The following FLG variants were observed in gnomAD, a reference collection of about 807,000 sequenced individuals.
FLG encodes epidermal filaggrin.
Under a neutral mutation model 3.8 loss-of-function variants are expected in FLG, and 6 were observed. The ratio of observed to expected loss-of-function variants is 1.60; its 90% CI spans 0.87 to 3.15. The LOEUF (loss-of-function observed/expected upper bound fraction) is 3.15, where lower values mean the gene tolerates loss of function less well. FLG is among the 30% of genes most tolerant of loss of function. The pLI is 0.00. For missense variants in FLG, 7,595 were observed against 5,050.9 expected, an observed-to-expected ratio of 1.50 and a Z score of -15.27; for synonymous variants, 2,551 against 1,931.6, an observed-to-expected ratio of 1.32 and a Z score of -8.41.
Position 152,310,931 on chromosome 1 carries a change from G to T in FLG, c.3955C>A (p.His1319Asn). The T allele has an allele frequency of 6.2e-7, 1 of 1,614,046 alleles. No individual in the cohort carries two copies. The highest frequency in any genetic ancestry group is 8.5e-7 in the Non-Finnish European group (1 of 1,180,010). ...CTGGAGCTGTCTGCAGAGTGCCCGTGACTGGCTCTGTCTTCTTGATGGAAC... is the reference window on the plus strand; with the variant it reads ...CTGGAGCTGTCTGCAGAGTGCCCGTTACTGGCTCTGTCTTCTTGATGGAAC... ...PGFHQEDRAS[H>N]GHSADSSRQS... The change falls in exon 3 of 3, where the codon CAC becomes AAC. Residue 1319 changes from histidine (H) to asparagine (N), a missense_variant. Transcript: ENST00000368799.
In FLG at chr1:152,303,362, G is replaced by C. The variant is rs1459307660; in HGVS notation, c.11524C>G (p.His3842Asp). ...GATTCACCCTGGCCGGACTGTGAGT[G>C]TCTAGAGCTGTCAGCCTGAGTGGAA... The part of the protein sequence containing the change: ...EASTQADSSR[H>D]SQSGQGESAG... Residue 3842 changes from histidine (H) to aspartate (D), a missense_variant, in exon 3 of 3, where the codon CAC (histidine) becomes GAC (aspartate). His to Asp is a moderately conservative substitution (Grantham distance 81, BLOSUM62 -1). Coordinates refer to ENST00000368799, the MANE Select transcript of FLG (RefSeq NM_002016.2). The C allele has an allele frequency of 7.4e-6, 12 of 1,614,016 alleles. No individual in the cohort carries two copies. Among genetic ancestry groups the C allele is most frequent in the Non-Finnish European group, 8.5e-6 (10 of 1,180,028 alleles).
rs1299924244 is a variant in FLG at position 152,312,725 on chromosome 1, T to C, written c.2161A>G (p.Arg721Gly). The change falls in exon 3 of 3, where the codon AGA becomes GGA. Residue 721 changes from arginine to glycine, a missense_variant. Coordinates refer to ENST00000368799, the MANE Select transcript of FLG (RefSeq NM_002016.2). Reference protein sequence around the residue: ...RHQLQSADSSRHSGTGHGQAS... With the variant: ...RHQLQSADSSGHSGTGHGQAS... ...TGTCCGTGCCCAGTGCCTGAGTGTC[T>C]GGAGCTGTCTGCTGACTGGAGCTGG... 3 of 1,613,922 alleles carry C rather than the reference T, an allele frequency of 1.9e-6. No individual in the cohort carries two copies. In the East Asian group the frequency reaches 6.7e-5, roughly 36 times the overall value.
Position 152,314,173 on chromosome 1 carries a change from G to T in FLG, c.713C>A (p.Thr238Lys), listed in dbSNP as rs758484558. 6.2e-7 allele frequency: 1 copy of T among 1,614,108 alleles called. No individual in the cohort carries two copies. Among genetic ancestry groups the T allele is most frequent in the Non-Finnish European group, 8.5e-7 (1 of 1,180,004 alleles). Reference sequence around the variant, plus strand: ...GGTGTCATAGGCTTCATCCTGGATTGTGTAATATGTGGCAATATGGCCTGA... The same window carrying T: ...GGTGTCATAGGCTTCATCCTGGATTTTGTAATATGTGGCAATATGGCCTGA... ...IQSGHIATYY[T>K]IQDEAYDTTD... The change falls in exon 3 of 3, where the codon ACA becomes AAA. Residue 238 changes from threonine to lysine, a missense_variant. By Grantham distance (78) the Thr-to-Lys change is moderately conservative (BLOSUM62 -1). Transcript: ENST00000368799.
At chr1:152,316,884 A>C (rs1198009460) in intron 1 of FLG, among the ~76,000 whole-genome samples, 1 of 152,066 alleles carries the variant, frequency 6.6e-6, no homozygotes, top group Non-Finnish European at 1.5e-5. Context: ...TCTTATACCC[A>C]CTGGCCAAAG....
At position 152,310,710 on chromosome 1, in the gene FLG, A is replaced by G. The variant is rs1328929817; in HGVS notation, c.4176T>C (p.Gly1392=). The part of the protein sequence containing the change: ...VRDSGHRGSS[G]SQVTNSEGHS... The stretch of plus-strand genomic sequence containing the variant: ...GTCCCTCACTGTTAGTGACCTGACT[A>G]CCACTGGACCCTCGGTGTCCACTGT... Residue 1392 remains glycine, a synonymous_variant, in exon 3 of 3, where the codon GGT becomes GGC. Coordinates refer to ENST00000368799, the MANE Select transcript of FLG (RefSeq NM_002016.2). The G allele has an allele frequency of 6.2e-7, 1 of 1,613,934 alleles. No homozygotes were observed. The highest frequency in any genetic ancestry group is 2.2e-5 in the East Asian group (1 of 44,820).
Position 152,308,085 on chromosome 1 carries a change from A to T in FLG, c.6801T>A (p.His2267Gln). 8.7e-6 allele frequency: 14 copies of T among 1,613,780 alleles called. No homozygotes were observed. The highest frequency in any genetic ancestry group is 1.2e-5 in the Non-Finnish European group (14 of 1,179,934). Reference sequence around the variant, plus strand: ...TTGACTGCTCCTGAGCAGATCCATGATGGTTTCTGGACGCAGACCCAGACC... The same window carrying T: ...TTGACTGCTCCTGAGCAGATCCATGTTGGTTTCTGGACGCAGACCCAGACC... ...ERRSGSASRN[H>Q]HGSAQEQSRD... is the part of the protein sequence containing the mutation. Residue 2267 changes from histidine to glutamine, a missense_variant, in exon 3 of 3, where the codon CAT becomes CAA. Transcript: ENST00000368799.
chr1:152,316,700 C>A (rs1043981690), intron 1 of FLG, among the ~76,000 whole-genome samples: 1 of 152,060 alleles, frequency 6.6e-6, no homozygotes, highest in African/African-American at 2.4e-5. Flanking sequence ...GCAACATATG[C>A]AAAATCTCTT....
In FLG at chr1:152,310,335, G is replaced by A. The variant is rs779446237; in HGVS notation, c.4551C>T (p.Tyr1517=). The change falls in exon 3 of 3, where the codon TAC becomes TAT. Residue 1517 remains tyrosine (Y), a synonymous_variant. Transcript: ENST00000368799. Reference sequence around the variant, plus strand: ...CCTGGGGTGTGGTGTGGCTGTGATGGTACCCTGAGTGTCCAGACCTATCTA... The same window carrying A: ...CCTGGGGTGTGGTGTGGCTGTGATGATACCCTGAGTGTCCAGACCTATCTA... ...QSVDRSGHSG[Y]HHSHTTPQGR... is the part of the protein sequence containing the mutation. 1.2e-6 allele frequency: 2 copies of A among 1,613,844 alleles called. No individual in the cohort carries two copies. The highest frequency in any genetic ancestry group is 4.5e-5 in the East Asian group (2 of 44,840).
In FLG at chr1:152,312,704, C is replaced by T. The variant is rs113986131; in HGVS notation, c.2182G>A (p.Gly728Arg). 245 of 1,613,888 alleles carry T rather than the reference C, an allele frequency of 1.5e-4. 3 individuals are homozygous for T. In the African/African-American group the frequency reaches 1.9e-3, roughly 12 times the overall value. Residue 728 changes from glycine (G) to arginine (R), a missense_variant, in exon 3 of 3, where the codon GGA becomes AGA. Gly to Arg is a moderately radical substitution (Grantham distance 125, BLOSUM62 -2). Transcript: ENST00000368799. The stretch of plus-strand genomic sequence containing the variant: ...TCTCTGACTGCAGATGAAGCTTGTC[C>T]GTGCCCAGTGCCTGAGTGTCTGGAG... ...DSSRHSGTGH[G>R]QASSAVRDSG...
intron 1 of FLG, among the ~76,000 whole-genome samples, chr1:152,319,454 T>G (rs1451716065): frequency 6.6e-6 from 1 of 151,186 alleles, no homozygotes; most frequent in Non-Finnish European, 1.5e-5. Flanking sequence ...CTAAAACTGA[T>G]GAAAGATATC....
chr1:152,303,574 C>T lies in FLG; in HGVS notation c.11312G>A (p.Gly3771Glu). ...ATCTACCGATTGCTCGTGGTAGGAT[C>T]CCTGTCTTCCTCCTCTCCTTGACCC... is the stretch of plus-strand genomic sequence containing the variant. ...HPGSRRGGRQ[G>E]SYHEQSVDRS... Residue 3771 changes from glycine (G) to glutamate (E), a missense_variant, in exon 3 of 3, where the codon GGA becomes GAA. Transcript: ENST00000368799. 1 of 1,614,082 alleles carries T rather than the reference C, an allele frequency of 6.2e-7. No homozygotes were observed. Among genetic ancestry groups the T allele is most frequent in the Non-Finnish European group, 8.5e-7 (1 of 1,180,016 alleles).
At position 152,314,536 on chromosome 1, in the gene FLG, T is replaced by C; in HGVS notation, c.350A>G (p.Glu117Gly). The C allele has an allele frequency of 1.2e-6, 2 of 1,613,940 alleles. No homozygotes were observed. The highest frequency in any genetic ancestry group is 8.5e-7 in the Non-Finnish European group (1 of 1,179,982). ...GGGTCTTTTTCTGTTTTCTTTGTTTTCTTCCTGTTTATTATCTTCATGTTT... is the reference window on the plus strand; with the variant it reads ...GGGTCTTTTTCTGTTTTCTTTGTTTCCTTCCTGTTTATTATCTTCATGTTT... Reference protein sequence around the residue: ...HDKHEDNKQEENKENRKRPSS... With the variant: ...HDKHEDNKQEGNKENRKRPSS... The change falls in exon 3 of 3, where the codon GAA (glutamate) becomes GGA (glycine). Residue 117 changes from glutamate (E) to glycine (G), a missense_variant. Coordinates refer to ENST00000368799, the MANE Select transcript of FLG (RefSeq NM_002016.2).
rs772643517 is a variant in FLG, at chr1:152,314,583, G to A, written c.303C>T (p.His101=). 38 of 1,613,424 alleles carry A rather than the reference G, an allele frequency of 2.4e-5. No homozygotes were observed. The highest frequency in any genetic ancestry group is 2.7e-5 in the Non-Finnish European group (32 of 1,179,900). The change falls in exon 3 of 3, where the codon CAC becomes CAT. Residue 101 remains histidine, a synonymous_variant. Coordinates refer to ENST00000368799, the MANE Select transcript of FLG (RefSeq NM_002016.2). ...KENLPISGHK[H]RKHSHHDKHE... ...GTTTATCATGATGACTGTGCTTTCT[G>A]TGCTTGTGTCCTGATATCGGTAAAT...
At chr1:152,321,047 A>G (rs555389111) in intron 1 of FLG, among the ~76,000 whole-genome samples, 17 of 151,090 alleles carry the variant, frequency 1.1e-4, no homozygotes, top group African/African-American at 3.9e-4. Context: ...ATAGATATTT[A>G]TAGCCTATAT....
chr1:152,324,118 C>T (rs1295715121), intron 1 of FLG, among the ~76,000 whole-genome samples: 6 of 151,600 alleles, frequency 4.0e-5, no homozygotes, highest in Non-Finnish European at 7.4e-5. Context: ...AGTTATTTCT[C>T]GTTATTTCTA....
In FLG at chr1:152,313,138, T is replaced by C. The variant is rs139615807; in HGVS notation, c.1748A>G (p.His583Arg). Residue 583 changes from histidine (H) to arginine (R), a missense_variant, in exon 3 of 3, where the codon CAC becomes CGC. Transcript: ENST00000368799. ...NEEQSGDGTRHSGSRHHEASS... is the reference protein window; with the variant it reads ...NEEQSGDGTRRSGSRHHEASS... ...AGCTTCATGATGACGTGACCCTGAG[T>C]GCCTGGTGCCGTCTCCTGATTGTTC... 1.9e-6 allele frequency: 3 copies of C among 1,613,668 alleles called. No individual in the cohort carries two copies. The highest frequency in any genetic ancestry group is 2.5e-6 in the Non-Finnish European group (3 of 1,179,990).
At chr1:152,324,725 C>G (rs567731277) in intron 1 of FLG, among the ~76,000 whole-genome samples, 2 of 151,960 alleles carry the variant, frequency 1.3e-5, no homozygotes, top group South Asian at 4.1e-4. Flanking sequence ...CAAGACAATT[C>G]TTTTTCCATT....
At chr1:152,315,854 C>T (rs1557883529) in intron 1 of FLG, among the ~76,000 whole-genome samples, 2 of 152,134 alleles carry the variant, frequency 1.3e-5, no homozygotes, top group African/African-American at 4.8e-5. Context: ...AAAATTACTT[C>T]CCCAAAAGCT....
Position 152,307,287 on chromosome 1 carries a change from A to T in FLG, c.7599T>A (p.Arg2533=), listed in dbSNP as rs751196667. The T allele has an allele frequency of 6.2e-7, 1 of 1,612,690 alleles. No individual in the cohort carries two copies. The highest frequency in any genetic ancestry group is 8.5e-7 in the Non-Finnish European group (1 of 1,179,810). Residue 2533 remains arginine, a synonymous_variant, in exon 3 of 3, where the codon CGT becomes CGA. Transcript: ENST00000368799. ...CGGCCCGAGAGGAAGCTTCATGGTG[A>T]CGCGACCCTGAGTGCCTGGAGCCGT... is the stretch of plus-strand genomic sequence containing the variant. ...SGDGSRHSGS[R]HHEASSRADS... is the part of the protein sequence containing the mutation.
Sources: gnomAD v4.1 joint callset for allele counts (sites outside exome capture counted in the v4.1 genomes callset) on GRCh38, gnomAD v4.1.1 for gene constraint, MANE v1.5 for transcripts, NCBI Gene and HGNC (gene_info 2026-07-23, HGNC 2026-07-21) for gene names.